CACNG4: variants seen among roughly 807,000 people sequenced by gnomAD.
CACNG4 encodes the protein calcium voltage-gated channel auxiliary subunit gamma 4, also known as voltage-dependent calcium channel gamma-4 subunit.
In CACNG4, 8 loss-of-function variants were observed where a neutral mutation model predicts 22.9. That is an observed-to-expected ratio of 0.35 (90% CI 0.21 to 0.63). The LOEUF (loss-of-function observed/expected upper bound fraction) is 0.63. Among genes scored for constraint, CACNG4 ranks in the 30% least tolerant of loss-of-function variants. The pLI is 0.72. For missense variants in CACNG4, 357 were observed against 455.4 expected (o/e 0.78, Z 1.97); for synonymous variants, 188 against 191.9 (o/e 0.98, Z 0.17).
Position 66,984,983 on chromosome 17 carries a change from A to G in CACNG4, c.220+19852A>G, listed in dbSNP as rs2035296882. On this transcript the variant is annotated intron_variant, in intron 1 of 3. Transcript: ENST00000262138. This position sits in a 1 kb window ranked among gnomAD's most constrained non-coding sequence, Gnocchi z 4.0. ...CTGAGCACACCAGCTCAACGAGACC[A>G]GACCAAAGGGTGGCAGGGGACTGAC... Among the ~76,000 whole-genome samples the G allele has an allele frequency of 6.6e-6, 1 of 152,184 alleles. No individual in the cohort carries two copies. The highest frequency in any genetic ancestry group is 1.5e-5 in the Non-Finnish European group (1 of 68,020).
At chr17:66,991,760 G>A (rs865854618) in intron 1 of CACNG4, among the ~76,000 whole-genome samples, 9 of 152,148 alleles carry the variant, frequency 5.9e-5, no homozygotes, top group African/African-American at 1.4e-4. Flanking sequence ...CCAGGAAGGC[G>A]TGTCTCCAGC....
intron 1 of CACNG4, among the ~76,000 whole-genome samples, chr17:66,966,814 C>A (rs531156503): frequency 1.3e-5 from 2 of 152,292 alleles, no homozygotes; most frequent in Non-Finnish European, 2.9e-5. Flanking sequence ...CATGATCACA[C>A]CCTCCTCTTT....
intron 2 of CACNG4, 54 bp downstream of exon 2, chr17:67,018,326 G>T: frequency 7.2e-7 from 1 of 1,382,800 alleles, no homozygotes. Context: ...AAGGGTGGGG[G>T]AAGGCGGCCG....
At chr17:67,009,433 G>T (rs1239985896) in intron 1 of CACNG4, among the ~76,000 whole-genome samples, 1 of 152,118 alleles carries the variant, frequency 6.6e-6, no homozygotes, top group Non-Finnish European at 1.5e-5. Flanking sequence ...GCTTATCATT[G>T]CTCTGGGCTG....
chr17:66,991,337 C>CG (rs1567753091), intron 1 of CACNG4, among the ~76,000 whole-genome samples: 1 of 150,380 alleles, frequency 6.6e-6, no homozygotes, highest in Non-Finnish European at 1.5e-5. Context: ...AACAAACAAA[C>CG]AAAAAAAAAC....
At chr17:66,976,062 G>T (rs2035233891) in intron 1 of CACNG4, among the ~76,000 whole-genome samples, 1 of 152,152 alleles carries the variant, frequency 6.6e-6, no homozygotes, top group Non-Finnish European at 1.5e-5. Context: ...ACTGACCCTC[G>T]CATCTCCCTG....
intron 1 of CACNG4, among the ~76,000 whole-genome samples, chr17:67,001,384 G>C (rs1363097596): frequency 1.3e-5 from 2 of 151,936 alleles, no homozygotes; most frequent in African/African-American, 4.8e-5. Context: ...CCTCCCCCTG[G>C]TTCTCTAATT....
Position 66,972,482 on chromosome 17 carries a change from C to A in CACNG4, c.220+7351C>A, listed in dbSNP as rs145773656. Among the ~76,000 whole-genome samples the A allele has an allele frequency of 3.5e-3, 537 of 152,318 alleles. 2 individuals are homozygous for A. Among genetic ancestry groups the A allele is most frequent in the Non-Finnish European group, 5.3e-3 (361 of 68,024 alleles). On this transcript the variant is annotated intron_variant, in intron 1 of 3. Coordinates refer to ENST00000262138, the MANE Select transcript of CACNG4 (RefSeq NM_014405.4). ...TGTGACAACCAAAAATGGGCTCAGA[C>A]TTTGCATATGTCCCTGGAGGACAAA... is the stretch of plus-strand genomic sequence containing the variant.
In CACNG4 at chr17:66,965,160, C is replaced by CCCCA. The variant is rs1555575204; in HGVS notation, c.220+30_220+31insCCAC. 9.5e-6 allele frequency: 8 copies of CCCCA among 846,192 alleles called. No homozygotes were observed. The African/African-American group carries it at 1.4e-4, about 15-fold the overall frequency. The allele number at this position is 846,192 out of a possible 1,614,324, so 52.4% of individuals were successfully genotyped here. ...CGGCCAGCCCCGACCCCTCGCCGCC[C>CCCCA]CACACACACACACACACACACACAC... is the stretch of plus-strand genomic sequence containing the variant. On this transcript the variant is annotated intron_variant, in intron 1 of 3. Coordinates refer to ENST00000262138, the MANE Select transcript of CACNG4 (RefSeq NM_014405.4).
intron 1 of CACNG4, among the ~76,000 whole-genome samples, chr17:66,999,275 TTGG>T (rs60713225): frequency 6.0e-5 from 9 of 151,054 alleles, no homozygotes; most frequent in East Asian, 2.0e-4. Flanking sequence ...GGCAGTAGAG[TTGG>T]TGGTGGTGGT....
intron 1 of CACNG4, among the ~76,000 whole-genome samples, chr17:66,967,745 A>G (rs2035178853): frequency 6.6e-6 from 1 of 152,092 alleles, no homozygotes; most frequent in Non-Finnish European, 1.5e-5. Flanking sequence ...AGCTAATAAG[A>G]CTCCGAGGAT....
chr17:67,023,436 C>T (rs886899565), intron 2 of CACNG4, among the ~76,000 whole-genome samples: 1 of 151,718 alleles, frequency 6.6e-6, no homozygotes, highest in Admixed American at 6.6e-5. Flanking sequence ...CTACAACGCC[C>T]GGCTAATTTT....
intron 1 of CACNG4, among the ~76,000 whole-genome samples, chr17:67,009,140 AGAGTCATG>A (rs1356305349): frequency 6.6e-6 from 1 of 152,208 alleles, no homozygotes; most frequent in African/African-American, 2.4e-5. Context: ...GAAGCAAGGC[AGAGTCATG>A]GAAGAGCTTT....
At chr17:66,998,463 C>A (rs573027330) in intron 1 of CACNG4, among the ~76,000 whole-genome samples, 1 of 152,324 alleles carries the variant, frequency 6.6e-6, no homozygotes. Flanking sequence ...CTCAACCTCC[C>A]AAAGTGCTGG....
At chr17:67,000,754 A>G (rs1327148853) in intron 1 of CACNG4, among the ~76,000 whole-genome samples, 1 of 152,094 alleles carries the variant, frequency 6.6e-6, no homozygotes, top group Non-Finnish European at 1.5e-5. Context: ...TAGTCTGAAG[A>G]TGGACAGCGA....
intron 1 of CACNG4, among the ~76,000 whole-genome samples, chr17:67,016,983 C>T (rs1348763743): frequency 6.6e-6 from 1 of 152,130 alleles, no homozygotes; most frequent in Non-Finnish European, 1.5e-5. Flanking sequence ...CTGGAAGTTT[C>T]TCTTGCTCCA....
Position 66,999,769 on chromosome 17 carries a change from C to T in CACNG4, c.221-18420C>T, listed in dbSNP as rs148750001. Reference sequence around the variant, plus strand: ...TCCATTGACACGTGGGAATACAATCCGAGATGAGATTTGGGTGGGGACACA... The same window carrying T: ...TCCATTGACACGTGGGAATACAATCTGAGATGAGATTTGGGTGGGGACACA... On this transcript the variant is annotated intron_variant, in intron 1 of 3. Transcript: ENST00000262138. 5.9e-5 allele frequency among the ~76,000 whole-genome samples: 9 copies of T among 152,224 alleles called. No individual in the cohort carries two copies. In the East Asian group the frequency reaches 1.2e-3, roughly 20 times the overall value.
At chr17:66,977,701 T>G (rs1398483331) in intron 1 of CACNG4, among the ~76,000 whole-genome samples, 9 of 152,168 alleles carry the variant, frequency 5.9e-5, no homozygotes, top group Non-Finnish European at 1.3e-4. Flanking sequence ...TCTCTCTTGT[T>G]TTTTTCTGAG....
At chr17:66,970,635 T>A (rs1056580398) in intron 1 of CACNG4, among the ~76,000 whole-genome samples, 3 of 152,062 alleles carry the variant, frequency 2.0e-5, no homozygotes, top group Non-Finnish European at 2.9e-5. Flanking sequence ...AGGGCACCAG[T>A]TTTTTGGTCC....
Sources: gnomAD v4.1 joint callset for allele counts (sites outside exome capture counted in the v4.1 genomes callset) on GRCh38, gnomAD v4.1.1 for gene constraint, Gnocchi (gnomAD v3.1) non-coding constraint, MANE v1.5 for transcripts, NCBI Gene and HGNC (gene_info 2026-07-23, HGNC 2026-07-21) for gene names.